TENM4: variants seen among roughly 807,000 people sequenced by gnomAD.
TENM4 encodes teneurin transmembrane protein 4.
TENM4 carries 82 observed loss-of-function variants against 243.3 expected under a neutral mutation model. That is an observed-to-expected ratio of 0.34 (90% CI 0.28 to 0.40). The LOEUF is 0.40. TENM4 is among the 10% of genes least tolerant of loss of function. The pLI is 1.00. For missense variants in TENM4, 3,138 were observed against 3,673.3 expected, an observed-to-expected ratio of 0.85 and a Z score of 3.77; for synonymous variants, 1,412 against 1,456.3, an observed-to-expected ratio of 0.97 and a Z score of 0.69.
At chr11:78,818,963 A>T (rs1467206782) in intron 12 of TENM4, among the ~76,000 whole-genome samples, 1 of 54,766 alleles carries the variant, frequency 1.8e-5, no homozygotes, top group Non-Finnish European at 4.4e-5. Flanking sequence ...GGTCCTGGTA[A>T]AAAAAAAAAA....
intron 2 of TENM4, among the ~76,000 whole-genome samples, chr11:79,248,136 C>T (rs116701263): frequency 7.7e-4 from 117 of 152,312 alleles, no homozygotes; most frequent in East Asian, 7.7e-4. Flanking sequence ...GTCCTCAGCT[C>T]CTCTGAGGCT....
chr11:79,331,467 G>A (rs1271718100), intron 1 of TENM4, among the ~76,000 whole-genome samples: 2 of 152,158 alleles, frequency 1.3e-5, no homozygotes, highest in Non-Finnish European at 2.9e-5. Context: ...CCTGGGTGGT[G>A]CTCACAGGGT....
intron 6 of TENM4, among the ~76,000 whole-genome samples, chr11:79,052,022 T>C (rs1373822275): frequency 2.6e-5 from 4 of 152,262 alleles, no homozygotes; most frequent in East Asian, 1.9e-4. Flanking sequence ...CAGTCTAACA[T>C]TGATGGACAT....
intron 1 of TENM4, among the ~76,000 whole-genome samples, chr11:79,437,759 C>G (rs888760856): frequency 2.0e-5 from 3 of 152,200 alleles, no homozygotes; most frequent in Non-Finnish European, 4.4e-5. Context: ...TCCCCCTCTG[C>G]GGTCCCCGCC....
At chr11:78,963,073 T>C (rs770348519) in intron 6 of TENM4, among the ~76,000 whole-genome samples, 4 of 152,360 alleles carry the variant, frequency 2.6e-5, no homozygotes, top group Middle Eastern at 3.4e-3. Flanking sequence ...ATAGTAGGCA[T>C]TGTAGAAGTA....
In TENM4 at chr11:78,839,175, G is replaced by C. The variant is rs1014163122; in HGVS notation, c.1681+14929C>G. ...TCATCTGTTTATTATTCCAGATGAA[G>C]TCTTTAGCCATGCAATCAAATCTCT... On this transcript the variant is annotated intron_variant, in intron 12 of 33. Coordinates refer to ENST00000278550, the MANE Select transcript of TENM4 (RefSeq NM_001098816.3). Among the ~76,000 whole-genome samples the C allele has an allele frequency of 2.0e-5, 3 of 152,198 alleles. No individual in the cohort carries two copies. In the East Asian group the frequency reaches 5.8e-4, roughly 29 times the overall value.
chr11:79,119,844 T>C (rs1861704960), intron 4 of TENM4, among the ~76,000 whole-genome samples: 2 of 152,174 alleles, frequency 1.3e-5, no homozygotes, highest in Admixed American at 1.3e-4. Context: ...TCTGGTAAAC[T>C]AGAGCTTGAT....
At chr11:78,811,972 A>T in intron 14 of TENM4, 150 bp downstream of exon 14, 1 of 900,302 alleles carries the variant, frequency 1.1e-6, no homozygotes, top group Non-Finnish European at 1.6e-6. Flanking sequence ...TGGATTAGTT[A>T]CTGTTGCTGG....
chr11:78,772,150 T>C (rs1221191313), intron 17 of TENM4, among the ~76,000 whole-genome samples: 8 of 152,228 alleles, frequency 5.3e-5, no homozygotes, highest in Non-Finnish European at 1.2e-4. Context: ...GTGTTCGTTC[T>C]GCTTGGACCA....
intron 6 of TENM4, among the ~76,000 whole-genome samples, chr11:79,001,720 G>A (rs1858334165): frequency 6.6e-6 from 1 of 152,184 alleles, no homozygotes; most frequent in African/African-American, 2.4e-5. Flanking sequence ...CAGCCAGTCT[G>A]AACTAATTGC....
rs1029854540 is a variant in TENM4, at chr11:78,905,532, C to G, written c.494-2009G>C. Among the ~76,000 whole-genome samples the G allele has an allele frequency of 2.6e-5, 4 of 152,196 alleles. No individual in the cohort carries two copies. In the East Asian group the frequency reaches 7.7e-4, roughly 29 times the overall value. ...AATACAAAACCCTCCGGAATCCGAT[C>G]CATGTCTTCCAGCCTCTTCTCCCAT... On this transcript the variant is annotated intron_variant, in intron 6 of 33. Coordinates refer to ENST00000278550, the MANE Select transcript of TENM4 (RefSeq NM_001098816.3).
intron 12 of TENM4, among the ~76,000 whole-genome samples, chr11:78,845,634 T>G (rs1438934005): frequency 6.6e-6 from 1 of 152,162 alleles, no homozygotes; most frequent in Admixed American, 6.5e-5. Flanking sequence ...TCACATTTAA[T>G]TATGTCCCAC....
At chr11:78,917,100 A>G (rs1028946794) in intron 6 of TENM4, among the ~76,000 whole-genome samples, 11 of 152,242 alleles carry the variant, frequency 7.2e-5, no homozygotes, top group African/African-American at 2.7e-4. Flanking sequence ...TTTGGGGACC[A>G]CAAAAAGTGT....
At chr11:78,920,094 G>T (rs1175822855) in intron 6 of TENM4, among the ~76,000 whole-genome samples, 1 of 152,106 alleles carries the variant, frequency 6.6e-6, no homozygotes, top group East Asian at 1.9e-4. Flanking sequence ...TCACATAGTA[G>T]GTGCGAATGT....
At chr11:79,137,387 C>T (rs887917911) in intron 4 of TENM4, among the ~76,000 whole-genome samples, 2 of 152,158 alleles carry the variant, frequency 1.3e-5, no homozygotes, top group South Asian at 4.1e-4. Context: ...CTTAGTATTA[C>T]TCTGCCCTGT....
rs138506406 is a variant in TENM4 at position 79,167,778 on chromosome 11, G to A, written c.-162-18972C>T. On this transcript the variant is annotated intron_variant, in intron 3 of 33. Coordinates refer to ENST00000278550, the MANE Select transcript of TENM4 (RefSeq NM_001098816.3). ...GGGTTGAGGGTGAGGGACGAGTGGA[G>A]GACACCCCCAGGTCTATCTGACCCT... Among the ~76,000 whole-genome samples the A allele has an allele frequency of 1.4e-4, 22 of 152,280 alleles. No individual in the cohort carries two copies. In the East Asian group the frequency reaches 4.3e-3, roughly 29 times the overall value.
chr11:78,805,466 C>A lies in TENM4; in HGVS notation c.2005G>T (p.Gly669Cys). Residue 669 changes from glycine (G) to cysteine (C), a missense_variant, in exon 15 of 34, where the codon GGC becomes TGC. Transcript: ENST00000278550. ...EVDCMDPTCS[G>C]RGVCVRGECH... ...TCGCCTCTCACGCAGACACCCCGGCCTGAACATGTGGGGTCCATGCAGTCC... is the reference window on the plus strand; with the variant it reads ...TCGCCTCTCACGCAGACACCCCGGCATGAACATGTGGGGTCCATGCAGTCC... 6.3e-7 allele frequency: 1 copy of A among 1,588,294 alleles called. No individual in the cohort carries two copies.
intron 1 of TENM4, among the ~76,000 whole-genome samples, chr11:79,394,659 G>T (rs775026539): frequency 6.6e-6 from 1 of 152,158 alleles, no homozygotes; most frequent in African/African-American, 2.4e-5. Context: ...GGTACCTGTG[G>T]ATACAACCTT....
chr11:79,251,874 C>T (rs555432234), intron 2 of TENM4, among the ~76,000 whole-genome samples: 2 of 151,326 alleles, frequency 1.3e-5, no homozygotes, highest in East Asian at 1.9e-4. Flanking sequence ...AGATTAAGTA[C>T]AGCTAAAGAG....
Sources: allele counts gnomAD v4.1 joint callset (sites outside exome capture counted in the v4.1 genomes callset), GRCh38; gene constraint gnomAD v4.1.1; transcripts MANE v1.5; gene names NCBI Gene and HGNC (gene_info 2026-07-23, HGNC 2026-07-21).